Variants in UNC93A observed in about 807,000 individuals in gnomAD.
UNC93A encodes the protein unc-93 homolog A.
A neutral mutation model predicts 47.5 loss-of-function variants in UNC93A; 43 were observed. The ratio of observed to expected loss-of-function variants is 0.91; its 90% CI spans 0.71 to 1.17. The LOEUF (loss-of-function observed/expected upper bound fraction) is 1.17. Among genes scored for constraint, UNC93A ranks in the 50% most tolerant of loss-of-function variants. The pLI is 0.00. For synonymous variants in UNC93A, 280 were observed against 258.0 expected, an observed-to-expected ratio of 1.09 and a Z score of -0.82; for missense variants, 605 against 577.6, an observed-to-expected ratio of 1.05 and a Z score of -0.49.
intron 4 of UNC93A, among the ~76,000 whole-genome samples, chr6:167,303,663 G>A (rs925780085): frequency 3.9e-5 from 6 of 152,014 alleles, no homozygotes; most frequent in Non-Finnish European, 7.4e-5. Context: ...ATTTTATGCC[G>A]GTGAGGACAA....
chr6:167,274,147 G>C (rs1310793414), intron 1 of UNC93A, among the ~76,000 whole-genome samples: 3 of 152,184 alleles, frequency 2.0e-5, no homozygotes, highest in Non-Finnish European at 2.9e-5. Context: ...AGTTACGCCA[G>C]AGTAAGGTTG....
intron 7 of UNC93A, among the ~76,000 whole-genome samples, chr6:167,309,362 G>A (rs1054032026): frequency 1.3e-5 from 2 of 152,136 alleles, no homozygotes; most frequent in Non-Finnish European, 2.9e-5. Flanking sequence ...TGTTGAAAAT[G>A]ACACAGATGA....
At chr6:167,280,447 A>T (rs1044809945) in intron 1 of UNC93A, among the ~76,000 whole-genome samples, 7 of 152,192 alleles carry the variant, frequency 4.6e-5, no homozygotes, top group Non-Finnish European at 1.0e-4. Context: ...CAAAGCCTTC[A>T]CTTCCGTATC....
At chr6:167,289,679 G>A (rs889379789), upstream of UNC93A, among the ~76,000 whole-genome samples, 2 of 151,788 alleles carry the variant, frequency 1.3e-5, no homozygotes, top group Non-Finnish European at 2.9e-5. Flanking sequence ...TGGGGCTGGT[G>A]AGTTGAAGCA....
At chr6:167,292,333 A>G (rs1389574084) in intron 1 of UNC93A, among the ~76,000 whole-genome samples, 1 of 152,148 alleles carries the variant, frequency 6.6e-6, no homozygotes, top group African/African-American at 2.4e-5. Context: ...AGAGCTTCTG[A>G]TGACAAATTA....
At chr6:167,290,100 G>GTTCGGTGACTCAGTGAC (rs1311970530), upstream of UNC93A, among the ~76,000 whole-genome samples, 1 of 152,130 alleles carries the variant, frequency 6.6e-6, no homozygotes, top group Admixed American at 6.5e-5. Flanking sequence ...GAGGAAACAG[G>GTTCGGTGACTCAGTGAC]TTCGGTGACT....
chr6:167,273,798 T>C (rs1783492599), intron 1 of UNC93A, among the ~76,000 whole-genome samples: 1 of 151,834 alleles, frequency 6.6e-6, no homozygotes, highest in South Asian at 2.1e-4. Flanking sequence ...GATTGGCAGT[T>C]GGTTGAAAGA....
At chr6:167,287,935 G>A (rs955492997), upstream of UNC93A, among the ~76,000 whole-genome samples, 2 of 152,190 alleles carry the variant, frequency 1.3e-5, no homozygotes, top group Admixed American at 6.5e-5. Flanking sequence ...GGTGCAAAAT[G>A]AGGGTGCCTT....
rs1170323061 is a variant in UNC93A, at chr6:167,307,912, T to A, written c.1108+2T>A. On this transcript the variant is annotated splice_donor_variant, in intron 7 of 7. Coordinates refer to ENST00000230256, the MANE Select transcript of UNC93A (RefSeq NM_018974.4). LOFTEE classifies it high-confidence loss of function. The stretch of plus-strand genomic sequence containing the variant: ...CCGTCTGGCAGACACAAAACAATGG[T>A]GAGTCCCCAGCCCAGGCCCCTTCCT... 3 of 1,613,108 alleles carry A rather than the reference T, an allele frequency of 1.9e-6. No homozygotes were observed. The highest frequency in any genetic ancestry group is 2.5e-6 in the Non-Finnish European group (3 of 1,179,558).
intron 4 of UNC93A, among the ~76,000 whole-genome samples, chr6:167,301,964 A>G (rs549523725): frequency 6.6e-6 from 1 of 152,168 alleles, no homozygotes; most frequent in South Asian, 2.1e-4. Flanking sequence ...TGACCAAGAA[A>G]CACCTGTGGC....
At chr6:167,307,719 G>A in intron 6 of UNC93A, 60 bp from the exon 7 acceptor site, 1 of 1,553,058 alleles carries the variant, frequency 6.4e-7, no homozygotes, top group Admixed American at 1.8e-5. Flanking sequence ...CCACCTCCAG[G>A]CCCCTCCAGG....
intron 1 of UNC93A, among the ~76,000 whole-genome samples, chr6:167,272,474 A>G (rs1487656513): frequency 6.6e-6 from 1 of 152,248 alleles, no homozygotes; most frequent in Non-Finnish European, 1.5e-5. Context: ...TTCTGAGCTG[A>G]GTATGAGTGA....
chr6:167,281,306 C>G (rs897953019), intron 1 of UNC93A, among the ~76,000 whole-genome samples: 4 of 152,114 alleles, frequency 2.6e-5, no homozygotes. Context: ...GAGACTCAGG[C>G]CAATCATTAG....
upstream of UNC93A, among the ~76,000 whole-genome samples, chr6:167,289,190 T>C (rs437618): frequency 0.018 from 2,775 of 152,136 alleles, 1 homozygote; most frequent in East Asian, 0.068. Context: ...GGCAACTCCA[T>C]GTCTGCAGGA....
intron 1 of UNC93A, among the ~76,000 whole-genome samples, chr6:167,275,937 C>T (rs912003239): frequency 2.0e-5 from 3 of 152,174 alleles, no homozygotes; most frequent in East Asian, 1.9e-4. Flanking sequence ...TCCTTCCTCC[C>T]GCCTAGCTGT....
intron 1 of UNC93A, among the ~76,000 whole-genome samples, chr6:167,282,617 C>T (rs1783652349): frequency 6.6e-6 from 1 of 151,958 alleles, no homozygotes; most frequent in Non-Finnish European, 1.5e-5. Context: ...TTCTTGTGTC[C>T]CAAATATCAG....
intron 1 of UNC93A, among the ~76,000 whole-genome samples, chr6:167,283,641 G>A (rs934459225): frequency 1.6e-4 from 24 of 152,230 alleles, no homozygotes; most frequent in Non-Finnish European, 2.8e-4. Flanking sequence ...ACTCCCCCGC[G>A]TTGCCTGCCA....
chr6:167,314,873 A>T (rs1475015011), intron 7 of UNC93A, among the ~76,000 whole-genome samples: 1 of 152,038 alleles, frequency 6.6e-6, no homozygotes, highest in Non-Finnish European at 1.5e-5. Context: ...TTGATGTCTC[A>T]TGTCTCCCTA....
chr6:167,284,206 C>T (rs184748041), intron 1 of UNC93A, among the ~76,000 whole-genome samples: 11 of 151,398 alleles, frequency 7.3e-5, no homozygotes, highest in Admixed American at 1.3e-4. Flanking sequence ...CCCATGGGTA[C>T]GGGAGCACTT....
Sources: allele counts gnomAD v4.1 joint callset (sites outside exome capture counted in the v4.1 genomes callset), GRCh38; gene constraint gnomAD v4.1.1; transcripts MANE v1.5; gene names NCBI Gene and HGNC (gene_info 2026-07-23, HGNC 2026-07-21).